DZIP1: variants seen among roughly 807,000 people sequenced by gnomAD.
The protein encoded by DZIP1 is cilium assembly protein DZIP1.
Under a neutral mutation model 107.6 loss-of-function variants are expected in DZIP1, and 97 were observed. That is an observed-to-expected ratio of 0.90 (90% confidence interval 0.77 to 1.07). The LOEUF is 1.07. Ranked by LOEUF, DZIP1 falls within the 50% of genes least tolerant of loss-of-function variation. The pLI, the probability that DZIP1 is intolerant of heterozygous loss-of-function variation, is 0.00. For synonymous variants in DZIP1, 390 were observed against 386.4 expected (o/e 1.01, Z -0.11); for missense variants, 1,035 against 1,063.6 (o/e 0.97, Z 0.37).
At chr13:95,589,991 A>C (rs2044267905) in intron 17 of DZIP1, 59 bp from the exon 18 acceptor site, 2 of 1,585,984 alleles carry the variant, frequency 1.3e-6, no homozygotes, top group Non-Finnish European at 1.7e-6. Flanking sequence ...AGTGAAAAGC[A>C]AAGGTAAACG....
At chr13:95,586,822 C>A (rs1025558490) in intron 20 of DZIP1, among the ~76,000 whole-genome samples, 2 of 151,468 alleles carry the variant, frequency 1.3e-5, no homozygotes, top group Non-Finnish European at 2.9e-5. Flanking sequence ...AAATAATGAC[C>A]CATCAGCTCT....
rs1326589462 is a variant in DZIP1 at position 95,581,130 on chromosome 13, G to C, written c.*1104C>G. 6.6e-6 allele frequency: 1 copy of C among 152,486 alleles called. No homozygotes were observed. The highest frequency in any genetic ancestry group is 1.5e-5 in the Non-Finnish European group (1 of 68,028). The allele number at this position is 152,486 out of a possible 1,614,324, so 9.4% of individuals were successfully genotyped here. A position where few individuals can be genotyped will look rare whatever the true frequency, so the allele number is the denominator to read the frequency against. On this transcript the variant is annotated 3_prime_UTR_variant, in exon 23 of 23. Coordinates refer to ENST00000376829, the MANE Select transcript of DZIP1 (RefSeq NM_198968.4). The stretch of plus-strand genomic sequence containing the variant: ...CACAGTCACAGTGATGTAACAGAGG[G>C]CTTTACTGAAAAGGTTGACAAATGA...
chr13:95,594,413 T>A (rs1252211930), intron 15 of DZIP1, among the ~76,000 whole-genome samples: 1 of 152,214 alleles, frequency 6.6e-6, no homozygotes, highest in African/African-American at 2.4e-5. Context: ...ACTAGAATTA[T>A]ATCACTATTT....
chr13:95,607,930 T>C (rs2044833956), intron 13 of DZIP1, among the ~76,000 whole-genome samples: 1 of 152,256 alleles, frequency 6.6e-6, no homozygotes, highest in African/African-American at 2.4e-5. Flanking sequence ...ATCTTCATTT[T>C]ACTGGCTATA....
intron 5 of DZIP1, among the ~76,000 whole-genome samples, chr13:95,636,057 G>A (rs1444897212): frequency 6.6e-6 from 1 of 151,984 alleles, no homozygotes; most frequent in Non-Finnish European, 1.5e-5. Context: ...TACTGCAGGG[G>A]ATCTATAAAT....
At chr13:95,600,139 C>A (rs1228851880) in intron 14 of DZIP1, among the ~76,000 whole-genome samples, 1 of 152,140 alleles carries the variant, frequency 6.6e-6, no homozygotes, top group East Asian at 1.9e-4. Context: ...CTGCCAGCAG[C>A]AGGTATAAAA....
At chr13:95,584,531 C>G in intron 22 of DZIP1, 2 of 1,002,678 alleles carry the variant, frequency 2.0e-6, no homozygotes, top group Non-Finnish European at 2.5e-6. Context: ...AAAGATTAGT[C>G]CTATAATTAA....
intron 13 of DZIP1, among the ~76,000 whole-genome samples, chr13:95,606,358 A>T (rs2139046252): frequency 7.2e-6 from 1 of 139,544 alleles, no homozygotes; most frequent in African/African-American, 2.8e-5. Flanking sequence ...CCTCCCTCAA[A>T]ATACCCATGC....
rs1195738150 is a variant in DZIP1, at chr13:95,611,966, G to A, written c.1314+71C>T. 1.9e-6 allele frequency: 3 copies of A among 1,549,560 alleles called. No individual in the cohort carries two copies. In the East Asian group the frequency reaches 6.8e-5, roughly 35 times the overall value. On this transcript the variant is annotated intron_variant, in intron 11 of 22. Coordinates refer to ENST00000376829, the MANE Select transcript of DZIP1 (RefSeq NM_198968.4). ...TTATACCACTTACAAATGCTCTAAA[G>A]TAAAAACACATGTTCTTAGATAGAC... is the stretch of plus-strand genomic sequence containing the variant.
chr13:95,630,019 T>C lies in DZIP1; in HGVS notation c.780A>G (p.Ala260=), dbSNP rs1877009372. 4 of 1,613,660 alleles carry C rather than the reference T, an allele frequency of 2.5e-6. No homozygotes were observed. The highest frequency in any genetic ancestry group is 2.2e-5 in the East Asian group (1 of 44,854). The change falls in exon 7 of 23, where the codon GCA becomes GCG. Residue 260 remains alanine, a synonymous_variant. Transcript: ENST00000376829. ...AGAATCTGACTGCACTGGCATGGTG[T>C]GCAGCCTCTAGCTCAGACCTGGTGA... The part of the protein sequence containing the change: ...LQLTRSELEA[A]HHASAVRFSK...
chr13:95,637,677 A>G (rs2139446587), intron 5 of DZIP1, among the ~76,000 whole-genome samples: 1 of 152,078 alleles, frequency 6.6e-6, no homozygotes, highest in African/African-American at 2.4e-5. Context: ...TGATGAGGAC[A>G]TAGCAAGAAG....
chr13:95,612,415 CT>C (rs1055495917), intron 10 of DZIP1, among the ~76,000 whole-genome samples: 1 of 152,186 alleles, frequency 6.6e-6, no homozygotes, highest in Non-Finnish European at 1.5e-5. Flanking sequence ...ATGGGAGCAG[CT>C]TAGCCAACTA....
chr13:95,593,808 T>A, intron 16 of DZIP1, 136 bp downstream of exon 16: 1 of 1,008,994 alleles, frequency 9.9e-7, no homozygotes, highest in Non-Finnish European at 1.4e-6. Flanking sequence ...GTTTGATAAA[T>A]AAAGTAGGTC....
chr13:95,615,678 G>A (rs1423778921), intron 10 of DZIP1, among the ~76,000 whole-genome samples: 1 of 152,188 alleles, frequency 6.6e-6, no homozygotes, highest in Non-Finnish European at 1.5e-5. Context: ...ACTTGAAGCT[G>A]TCACTGCCTG....
chr13:95,633,580 G>A (rs1163553234), intron 5 of DZIP1, among the ~76,000 whole-genome samples: 1 of 150,792 alleles, frequency 6.6e-6, no homozygotes, highest in Non-Finnish European at 1.5e-5. Context: ...TAGGGAGACT[G>A]AGGGAAGAGA....
Position 95,624,833 on chromosome 13 carries a change from T to A in DZIP1, c.907A>T (p.Lys303Ter). 2 of 1,612,074 alleles carry A rather than the reference T, an allele frequency of 1.2e-6. No homozygotes were observed. Among genetic ancestry groups the A allele is most frequent in the Non-Finnish European group, 8.5e-7 (1 of 1,178,664 alleles). ...EKEKLVDEME[K>*]VKEMFMKEFK... Reference sequence around the variant, plus strand: ...TCCTTCATAAACATCTCCTTGACTTTTTCCATTTCATCAACTAGTTTCTCC... The same window carrying A: ...TCCTTCATAAACATCTCCTTGACTTATTCCATTTCATCAACTAGTTTCTCC... The change falls in exon 8 of 23, where the codon AAA (lysine) becomes TAA (stop). Residue 303 changes from lysine (K) to a stop codon, truncating the protein, a stop_gained. Transcript: ENST00000376829. LOFTEE classifies it high-confidence loss of function.
chr13:95,585,558 C>G (rs1302136396), intron 21 of DZIP1, among the ~76,000 whole-genome samples: 2 of 152,196 alleles, frequency 1.3e-5, no homozygotes, highest in African/African-American at 4.8e-5. Context: ...GTTAGAACCA[C>G]TGGGAAAATG....
chr13:95,590,005 T>C, intron 17 of DZIP1, 73 bp from the exon 18 acceptor site: 1 of 1,530,214 alleles, frequency 6.5e-7, no homozygotes, highest in Non-Finnish European at 8.9e-7. Context: ...GTAAACGGTA[T>C]AATACCCCCT....
At chr13:95,632,659 G>A (rs567544389) in intron 6 of DZIP1, among the ~76,000 whole-genome samples, 40 of 152,120 alleles carry the variant, frequency 2.6e-4, no homozygotes, top group South Asian at 1.2e-3. Context: ...TCCACCTTAC[G>A]CATATAAAAA....
Sources: gnomAD v4.1 joint callset for allele counts (sites outside exome capture counted in the v4.1 genomes callset) on GRCh38, gnomAD v4.1.1 for gene constraint, MANE v1.5 for transcripts, NCBI Gene and HGNC (gene_info 2026-07-23, HGNC 2026-07-21) for gene names.